The following MLLT10 variants were observed in gnomAD, a reference collection of about 807,000 sequenced individuals.
MLLT10 encodes protein AF-10.
Under a neutral mutation model 129.1 loss-of-function variants are expected in MLLT10, and 30 were observed. That is an observed-to-expected ratio of 0.23 (90% confidence interval 0.17 to 0.32). The LOEUF (loss-of-function observed/expected upper bound fraction) is 0.32. Ranked by LOEUF, MLLT10 falls within the 10% of genes least tolerant of loss-of-function variation. The probability of loss-of-function intolerance (pLI) is 1.00; values close to 1 mark genes in which losing one functional copy is unlikely to be tolerated. For synonymous variants in MLLT10, 490 were observed against 446.4 expected (o/e 1.10, Z -1.23); for missense variants, 1,119 against 1,268.3 (o/e 0.88, Z 1.79).
chr10:21,679,605 G>T (rs2052537653), intron 11 of MLLT10, among the ~76,000 whole-genome samples: 1 of 152,272 alleles, frequency 6.6e-6, no homozygotes, highest in South Asian at 2.1e-4. Flanking sequence ...GGAACACGAG[G>T]CATAAAGAAC....
chr10:21,701,691 A>G lies in MLLT10; in HGVS notation c.1700-12081A>G, dbSNP rs946197574. ...AACCTCTGCCTCCTGGGGTCCAGCA[A>G]TTCTCCTGCCTCAGCCTCCTGAGTA... On this transcript the variant is annotated intron_variant, in intron 13 of 22. Coordinates refer to ENST00000307729, the MANE Select transcript of MLLT10 (RefSeq NM_001195626.3). 3.3e-5 allele frequency among the ~76,000 whole-genome samples: 5 copies of G among 152,154 alleles called. No individual in the cohort carries two copies. In the South Asian group the frequency reaches 6.2e-4, roughly 19 times the overall value.
Position 21,598,961 on chromosome 10 carries a change from C to A in MLLT10, c.405+3521C>A, listed in dbSNP as rs561104581. 2.0e-5 allele frequency among the ~76,000 whole-genome samples: 3 copies of A among 152,004 alleles called. No homozygotes were observed. The South Asian group carries it at 6.2e-4, about 32-fold the overall frequency. ...TTGGGAGACCCAGGCGGGTAGATCA[C>A]GAGGTCAGGAGTTCAAGACCAGCCT... is the stretch of plus-strand genomic sequence containing the variant. On this transcript the variant is annotated intron_variant, in intron 5 of 22. Coordinates refer to ENST00000307729, the MANE Select transcript of MLLT10 (RefSeq NM_001195626.3).
intron 3 of MLLT10, among the ~76,000 whole-genome samples, chr10:21,583,684 A>G (rs1318396124): frequency 6.6e-6 from 1 of 152,066 alleles, no homozygotes; most frequent in African/African-American, 2.4e-5. Context: ...CTTTTTACCA[A>G]TCAGATCTCA....
At chr10:21,662,673 C>T (rs1283806308) in intron 9 of MLLT10, among the ~76,000 whole-genome samples, 1 of 152,106 alleles carries the variant, frequency 6.6e-6, no homozygotes, top group African/African-American at 2.4e-5. Context: ...TCCAACATTC[C>T]TGCCATGTCT....
intron 9 of MLLT10, among the ~76,000 whole-genome samples, chr10:21,660,593 G>T (rs2131346433): frequency 7.1e-6 from 1 of 141,594 alleles, no homozygotes; most frequent in South Asian, 2.3e-4. Flanking sequence ...TCCAGCGCGG[G>T]TGACAGAGCA....
intron 9 of MLLT10, among the ~76,000 whole-genome samples, chr10:21,654,323 A>G (rs749170643): frequency 1.3e-5 from 2 of 152,202 alleles, no homozygotes; most frequent in Non-Finnish European, 2.9e-5. Context: ...AGGTACACTA[A>G]TAGGAATGAT....
chr10:21,607,470 G>A (rs1017528290), intron 5 of MLLT10, among the ~76,000 whole-genome samples: 5 of 151,752 alleles, frequency 3.3e-5, no homozygotes, highest in Admixed American at 2.0e-4. Flanking sequence ...ACAGGCATGC[G>A]TCACCACGCT....
chr10:21,611,892 A>G lies in MLLT10; in HGVS notation c.406-456A>G, dbSNP rs1358915906. 3.3e-5 allele frequency among the ~76,000 whole-genome samples: 5 copies of G among 152,178 alleles called. No homozygotes were observed. The East Asian group carries it at 5.8e-4, about 18-fold the overall frequency. ...TGACCTAAACGTTGCTAATTCGTGT[A>G]GGGCTGTTATTTGTCTCTTAGGTCC... On this transcript the variant is annotated intron_variant, in intron 5 of 22. Coordinates refer to ENST00000307729, the MANE Select transcript of MLLT10 (RefSeq NM_001195626.3).
At chr10:21,729,548 C>T (rs545364014) in intron 16 of MLLT10, among the ~76,000 whole-genome samples, 4 of 152,236 alleles carry the variant, frequency 2.6e-5, no homozygotes, top group East Asian at 3.9e-4. Flanking sequence ...TAACATCTTA[C>T]GAAAATTTTG....
chr10:21,620,148 T>C (rs973887352), intron 8 of MLLT10, among the ~76,000 whole-genome samples: 1 of 152,124 alleles, frequency 6.6e-6, no homozygotes, highest in African/African-American at 2.4e-5. Context: ...CAGGCTGGTC[T>C]CGAACTCCTG....
At chr10:21,557,268 C>A in intron 3 of MLLT10, 3 of 845,336 alleles carry the variant, frequency 3.5e-6, no homozygotes, top group Non-Finnish European at 3.0e-6. Flanking sequence ...TTTATGAAAT[C>A]TGTATTTGAT....
intron 9 of MLLT10, among the ~76,000 whole-genome samples, chr10:21,669,410 TTG>T (rs1424757958): frequency 6.6e-6 from 1 of 152,136 alleles, no homozygotes; most frequent in African/African-American, 2.4e-5. Context: ...ATTCATCTGA[TTG>T]TTTGTGTTGA....
intron 8 of MLLT10, among the ~76,000 whole-genome samples, chr10:21,632,052 T>C (rs1227255440): frequency 6.6e-6 from 1 of 152,040 alleles, no homozygotes; most frequent in Non-Finnish European, 1.5e-5. Flanking sequence ...ATTATTTAAC[T>C]GAGTAGTATT....
At chr10:21,725,608 C>T (rs1479628121) in intron 14 of MLLT10, among the ~76,000 whole-genome samples, 2 of 151,240 alleles carry the variant, frequency 1.3e-5, no homozygotes, top group East Asian at 4.0e-4. Flanking sequence ...CCTGTAATCC[C>T]AGCCACTGGG....
rs549592944 is a variant in MLLT10, at chr10:21,595,559, T to C, written c.405+119T>C. ...ATCCAGGGAGATTTGGAAAAAAAAT[T>C]ACTACTCCAAACTGCAGTTATTAAA... On this transcript the variant is annotated intron_variant, in intron 5 of 22. Coordinates refer to ENST00000307729, the MANE Select transcript of MLLT10 (RefSeq NM_001195626.3). The C allele has an allele frequency of 1.2e-4, 87 of 701,030 alleles. No individual in the cohort carries two copies. In the African/African-American group the frequency reaches 1.4e-3, roughly 12 times the overall value. 43.4% of individuals were successfully genotyped at this position (701,030 alleles called of 1,614,324 possible).
In MLLT10 at chr10:21,557,140, T is replaced by C. The variant is rs1028062557; in HGVS notation, c.240+18228T>C. ...TGCCCTTTTGTCTTTTCCTCTTCGC[T>C]GTTAAACTTCCTGAAAAAATAAAAC... On this transcript the variant is annotated intron_variant, in intron 3 of 22. Transcript: ENST00000307729. 5 of 1,369,042 alleles carry C rather than the reference T, an allele frequency of 3.7e-6. No homozygotes were observed. In the Admixed American group the frequency reaches 1.7e-4, roughly 48 times the overall value. 84.8% of individuals were successfully genotyped at this position (1,369,042 alleles called of 1,614,324 possible). A position where few individuals can be genotyped will look rare whatever the true frequency, so the allele number is the denominator to read the frequency against.
intron 13 of MLLT10, among the ~76,000 whole-genome samples, chr10:21,687,849 A>G (rs1348468029): frequency 1.3e-5 from 2 of 152,222 alleles, no homozygotes; most frequent in African/African-American, 4.8e-5. Context: ...GACAGAACAC[A>G]TGATGAAATA....
chr10:21,604,323 C>T (rs1470358737), intron 5 of MLLT10, among the ~76,000 whole-genome samples: 8 of 152,136 alleles, frequency 5.3e-5, no homozygotes, highest in Non-Finnish European at 7.4e-5. Flanking sequence ...TGCTGGGCAT[C>T]TCTGGTGGCT....
rs774885099 is a variant in MLLT10 at position 21,733,945 on chromosome 10, G to A, written c.2674G>A (p.Val892Met). The A allele has an allele frequency of 1.1e-5, 17 of 1,614,204 alleles. No individual in the cohort carries two copies. The highest frequency in any genetic ancestry group is 6.7e-5 in the East Asian group (3 of 44,886). The stretch of plus-strand genomic sequence containing the variant: ...GCCTGTAACTTCCACCATTCCTGCC[G>A]TGTCTGCAGTGGGTGGAATAATTGG... Reference protein sequence around the residue: ...MQPVTSTIPAVSAVGGIIGAL... With the variant: ...MQPVTSTIPAMSAVGGIIGAL... Residue 892 changes from valine to methionine, a missense_variant, in exon 20 of 23, where the codon GTG becomes ATG. Around this residue, in one of 5 missense-constraint regions of MLLT10, gnomAD observed 1,004 missense variants for 1,008.7 expected, o/e 1.00. Transcript: ENST00000307729.
Sources: allele counts gnomAD v4.1 joint callset (sites outside exome capture counted in the v4.1 genomes callset), GRCh38; gene constraint gnomAD v4.1.1; regional missense constraint gnomAD v4.1.1; transcripts MANE v1.5; gene names NCBI Gene and HGNC (gene_info 2026-07-23, HGNC 2026-07-21).